Variants in PRSS55 observed in about 807,000 individuals in gnomAD.
PRSS55 encodes probable serine protease UNQ9391/PRO34284.
PRSS55 carries 41 observed loss-of-function variants against 23.6 expected under a neutral mutation model. The observed-to-expected ratio is 1.74, with a 90% confidence interval of 1.35 to 2.26. PRSS55 has a LOEUF of 2.26. Among genes scored for constraint, PRSS55 ranks in the 30% most tolerant of loss-of-function variants. The pLI, the probability that PRSS55 is intolerant of heterozygous loss-of-function variation, is 0.00. For synonymous variants in PRSS55, 262 were observed against 175.5 expected (o/e 1.49, Z -3.90); for missense variants, 669 against 439.1 (o/e 1.52, Z -4.68).
At chr8:10,547,452 A>C in intron 4 of PRSS55, 1 of 152,206 alleles carries the variant, frequency 6.6e-6, no homozygotes, top group East Asian at 2.0e-4. Flanking sequence ...CCAGAGGTGG[A>C]CCCCACCGTG....
chr8:10,525,839 C>T (rs76472837), intron 1 of PRSS55, 100 bp downstream of exon 1: 14 of 1,264,318 alleles, frequency 1.1e-5, no homozygotes, highest in South Asian at 3.1e-5. Flanking sequence ...AGCTCCAGGG[C>T]TCCCCACATA....
intron 4 of PRSS55, chr8:10,553,820 T>G: frequency 1.6e-6 from 1 of 619,236 alleles, no homozygotes; most frequent in Non-Finnish European, 2.7e-6. Context: ...TGTAAGGTGA[T>G]GGATATGTTA....
At position 10,531,375 on chromosome 8, in the gene PRSS55, T is replaced by A; in HGVS notation, c.428T>A (p.Ile143Asn). The A allele has an allele frequency of 6.2e-7, 1 of 1,614,248 alleles. No homozygotes were observed. Among genetic ancestry groups the A allele is most frequent in the Non-Finnish European group, 8.5e-7 (1 of 1,180,052 alleles). The change falls in exon 3 of 5, where the codon ATT becomes AAT. Residue 143 changes from isoleucine to asparagine, a missense_variant. By Grantham distance (149) the Ile-to-Asn change is moderately radical. Coordinates refer to ENST00000328655, the MANE Select transcript of PRSS55 (RefSeq NM_198464.4). ...GAAATAAAGGAGGTCGCCAGCATCA[T>A]TCTTCACAAAGACTTTAAGAGAGCC... ...SMEIKEVASI[I>N]LHKDFKRANM...
At chr8:10,548,221 G>A (rs535808565) in intron 4 of PRSS55, among the ~76,000 whole-genome samples, 6 of 152,166 alleles carry the variant, frequency 3.9e-5, no homozygotes, top group Non-Finnish European at 5.9e-5. Context: ...CTGGAGTGGG[G>A]TGCAGTTCCC....
rs374866358 is a variant in PRSS55 at position 10,546,118 on chromosome 8, T to C, written c.742-7825T>C. Among the ~76,000 whole-genome samples the C allele has an allele frequency of 3.6e-3, 553 of 152,236 alleles. 1 individual carries two copies. Among genetic ancestry groups the C allele is most frequent in the Non-Finnish European group, 6.0e-3 (410 of 67,996 alleles). On this transcript the variant is annotated intron_variant, in intron 4 of 4. Coordinates refer to the PRSS55 transcript ENST00000522210. ...TATGCCCAGGGGAACTAGGCTCCCC[T>C]GAGCTGAGCCAGCTTCCAGAATGAA...
At chr8:10,530,267 G>C (rs1812203297) in intron 2 of PRSS55, among the ~76,000 whole-genome samples, 1 of 152,116 alleles carries the variant, frequency 6.6e-6, no homozygotes, top group South Asian at 2.1e-4. Flanking sequence ...CGGTGGTCAG[G>C]AGTTCGAGAC....
Position 10,529,600 on chromosome 8 carries a change from T to C in PRSS55, c.248T>C (p.Val83Ala), listed in dbSNP as rs749390727. 1 of 1,613,736 alleles carries C rather than the reference T, an allele frequency of 6.2e-7. No individual in the cohort carries two copies. The highest frequency in any genetic ancestry group is 1.7e-5 in the Admixed American group (1 of 60,012). ...EAEVGEFPWQ[V>A]SIQARSEPFC... ...GAGGTGGGTGAGTTTCCGTGGCAGG[T>C]GAGTATTCAGGCAAGAAGTGAACCT... The change falls in exon 2 of 5, where the codon GTG becomes GCG. Residue 83 changes from valine to alanine, a missense_variant. Coordinates refer to ENST00000328655, the MANE Select transcript of PRSS55 (RefSeq NM_198464.4).
At chr8:10,538,402 G>A (rs1447084959) in intron 4 of PRSS55, 74 bp from the exon 5 acceptor site, 4 of 1,184,416 alleles carry the variant, frequency 3.4e-6, no homozygotes, top group Non-Finnish European at 4.8e-6. Flanking sequence ...AATCTTCCAT[G>A]AATGAGCTGT....
At chr8:10,529,110 C>A (rs1470242057) in intron 1 of PRSS55, among the ~76,000 whole-genome samples, 3 of 152,234 alleles carry the variant, frequency 2.0e-5, no homozygotes, top group Non-Finnish European at 2.9e-5. Flanking sequence ...TTCGCAGGTT[C>A]TGGGGACATG....
At chr8:10,549,724 A>T (rs370766766) in intron 4 of PRSS55, among the ~76,000 whole-genome samples, 1 of 152,072 alleles carries the variant, frequency 6.6e-6, no homozygotes, top group Non-Finnish European at 1.5e-5. Context: ...TCTCCCCCTG[A>T]CTTTGGAGAA....
exon 5 of PRSS55, chr8:10,553,983 G>A: frequency 6.5e-7 from 1 of 1,531,646 alleles, no homozygotes; most frequent in Non-Finnish European, 8.7e-7. Context: ...AACACCGGAA[G>A]CTCTCAAACA....
At chr8:10,542,535 G>A (rs1812687053), downstream of PRSS55, among the ~76,000 whole-genome samples, 1 of 151,884 alleles carries the variant, frequency 6.6e-6, no homozygotes, top group South Asian at 2.1e-4. Flanking sequence ...TTTTACAATA[G>A]TTTTGTGGTG....
rs1457285958 is a variant in PRSS55, at chr8:10,535,008, CAG to C, written c.741+1961_741+1962del. Among the ~76,000 whole-genome samples, 6 of 152,128 alleles carry C rather than the reference CAG, an allele frequency of 3.9e-5. No individual in the cohort carries two copies. The East Asian group carries it at 1.2e-3, about 29-fold the overall frequency. On this transcript the variant is annotated intron_variant, in intron 4 of 4. Coordinates refer to ENST00000328655, the MANE Select transcript of PRSS55 (RefSeq NM_198464.4). ...TAAAATATCTAGGAATACAGACAATCAGGGAGGTGAAAGATCTCTACAATAAG... is the reference window on the plus strand; with the variant it reads ...TAAAATATCTAGGAATACAGACAATCGGAGGTGAAAGATCTCTACAATAAG...
intron 4 of PRSS55, among the ~76,000 whole-genome samples, chr8:10,536,552 G>T (rs1189447128): frequency 6.6e-6 from 1 of 152,132 alleles, no homozygotes; most frequent in Non-Finnish European, 1.5e-5. Context: ...CTACCAAGAA[G>T]ACACATGCAT....
chr8:10,527,271 GT>G (rs1361329729), intron 1 of PRSS55, among the ~76,000 whole-genome samples: 7 of 152,220 alleles, frequency 4.6e-5, no homozygotes, highest in African/African-American at 1.4e-4. Context: ...CGTTTAGCTT[GT>G]TTTCAATTTG....
intron 1 of PRSS55, 31 bp from the exon 2 acceptor site, chr8:10,529,475 CT>C: frequency 6.2e-7 from 1 of 1,610,090 alleles, no homozygotes; most frequent in East Asian, 2.2e-5. Flanking sequence ...AGTGTTTCCC[CT>C]TTTCCTTTCC....
rs1812545920 is a variant in PRSS55, at chr8:10,538,697, C to A, written c.963C>A (p.Gly321=). 1 of 1,614,026 alleles carries A rather than the reference C, an allele frequency of 6.2e-7. No homozygotes were observed. Among genetic ancestry groups the A allele is most frequent in the African/African-American group, 1.3e-5 (1 of 74,916 alleles). ...RRTSVKQKPM[G]SPVSGVPEPG... ...CTTCTGTCAAACAGAAACCTATGGG[C>A]TCCCCAGTCTCGGGAGTCCCAGAGC... is the stretch of plus-strand genomic sequence containing the variant. Residue 321 remains glycine, a synonymous_variant, in exon 5 of 5, where the codon GGC becomes GGA. Transcript: ENST00000328655.
At chr8:10,550,980 C>G (rs1018318478) in intron 4 of PRSS55, among the ~76,000 whole-genome samples, 2 of 152,226 alleles carry the variant, frequency 1.3e-5, no homozygotes, top group Non-Finnish European at 2.9e-5. Flanking sequence ...GCCCCAACAG[C>G]TGACATGGAC....
chr8:10,538,192 C>G (rs753250895), intron 4 of PRSS55, among the ~76,000 whole-genome samples: 23 of 152,170 alleles, frequency 1.5e-4, no homozygotes, highest in Non-Finnish European at 5.9e-5. Flanking sequence ...TGGCCTGCAT[C>G]TCTCTGTGCT....
Sources: gnomAD v4.1 joint callset for allele counts (sites outside exome capture counted in the v4.1 genomes callset) on GRCh38, gnomAD v4.1.1 for gene constraint, MANE v1.5 for transcripts, NCBI Gene and HGNC (gene_info 2026-07-23, HGNC 2026-07-21) for gene names.